MOXD1: variants seen among roughly 807,000 people sequenced by gnomAD.
MOXD1 encodes the protein monooxygenase DBH like 1.
MOXD1 carries 62 observed loss-of-function variants against 66.6 expected under a neutral mutation model. That is an observed-to-expected ratio of 0.93 (90% CI 0.76 to 1.15). MOXD1 has a LOEUF of 1.15. MOXD1 is among the 50% of genes most tolerant of loss of function. The pLI, the probability that MOXD1 is intolerant of heterozygous loss-of-function variation, is 0.00. For missense variants in MOXD1, 847 were observed against 754.6 expected (o/e 1.12, Z -1.44); for synonymous variants, 303 against 281.9 (o/e 1.07, Z -0.75).
intron 10 of MOXD1, among the ~76,000 whole-genome samples, chr6:132,313,063 G>C (rs1273083137): frequency 2.0e-5 from 2 of 100,018 alleles, no homozygotes; most frequent in Non-Finnish European, 3.4e-5. Context: ...GATTTTTGTT[G>C]TTTTAATTTG....
At chr6:132,387,581 C>A (rs575909785) in intron 1 of MOXD1, among the ~76,000 whole-genome samples, 1 of 150,288 alleles carries the variant, frequency 6.7e-6, no homozygotes, top group East Asian at 1.9e-4. Flanking sequence ...AGGTGAAACT[C>A]CATCTCTACT....
intron 4 of MOXD1, among the ~76,000 whole-genome samples, chr6:132,329,002 A>G (rs902704777): frequency 4.6e-5 from 7 of 152,018 alleles, no homozygotes; most frequent in Admixed American, 4.6e-4. Flanking sequence ...TCTAGGGTAC[A>G]TGTGCACAAC....
intron 1 of MOXD1, among the ~76,000 whole-genome samples, chr6:132,383,830 G>A (rs1776558526): frequency 6.6e-6 from 1 of 152,152 alleles, no homozygotes; most frequent in Admixed American, 6.5e-5. Context: ...AGCACTTTGG[G>A]AGGCCAAGGC....
chr6:132,332,581 C>T (rs1269044838), intron 4 of MOXD1, among the ~76,000 whole-genome samples: 1 of 152,094 alleles, frequency 6.6e-6, no homozygotes, highest in African/African-American at 2.4e-5. Flanking sequence ...TAAGGATGGA[C>T]ATAACTTGTT....
At chr6:132,340,467 A>G (rs1051577001) in intron 4 of MOXD1, among the ~76,000 whole-genome samples, 11 of 143,898 alleles carry the variant, frequency 7.6e-5, no homozygotes, top group Admixed American at 7.6e-4. Context: ...TTTTTTCTAA[A>G]TGGGAAATAG....
chr6:132,312,457 T>G (rs975161598), intron 10 of MOXD1, among the ~76,000 whole-genome samples: 3 of 152,172 alleles, frequency 2.0e-5, no homozygotes, highest in African/African-American at 7.2e-5. Context: ...AGTTTGGCCT[T>G]CACTATCACT....
rs1777016341 is a variant in MOXD1 at position 132,401,147 on chromosome 6, G to A, written c.264+16C>T. 6.7e-7 allele frequency: 1 copy of A among 1,490,528 alleles called. No homozygotes were observed. The highest frequency in any genetic ancestry group is 8.9e-7 in the Non-Finnish European group (1 of 1,124,710). The allele number at this position is 1,490,528 out of a possible 1,614,324, so 92.3% of individuals were successfully genotyped here. A position where few individuals can be genotyped will look rare whatever the true frequency, so the allele number is the denominator to read the frequency against. On this transcript the variant is annotated intron_variant, in intron 1 of 11. Coordinates refer to ENST00000367963, the MANE Select transcript of MOXD1 (RefSeq NM_015529.4). ...CCGGGCTCGGCCGGGCGGGCTCCGG[G>A]AGGAGACGCGCTTACCTGGAGGTAG...
At chr6:132,319,442 T>C (rs1582567770) in intron 9 of MOXD1, among the ~76,000 whole-genome samples, 1 of 152,196 alleles carries the variant, frequency 6.6e-6, no homozygotes, top group Middle Eastern at 3.4e-3. Context: ...TAAAGATTTA[T>C]AATTTTTTCA....
rs776170706 is a variant in MOXD1 at position 132,324,032 on chromosome 6, C to A, written c.1012G>T (p.Val338Leu). 14 of 1,613,794 alleles carry A rather than the reference C, an allele frequency of 8.7e-6. No homozygotes were observed. Among genetic ancestry groups the A allele is most frequent in the Non-Finnish European group, 1.1e-5 (13 of 1,179,890 alleles). The change falls in exon 7 of 12, where the codon GTG (valine) becomes TTG (leucine). Residue 338 changes from valine to leucine, a missense_variant. Physicochemically the swap from Val to Leu is conservative, Grantham distance 32. Coordinates refer to ENST00000367963, the MANE Select transcript of MOXD1 (RefSeq NM_015529.4). ...CTCACCCAGAGGCCAGCCTCAATCA[C>A]CCCAGCATCATATTTCCTTATATCC... ...TMDIRKYDAG[V>L]IEAGLWVSLF...
At chr6:132,320,944 G>GT (rs1191191726) in intron 8 of MOXD1, among the ~76,000 whole-genome samples, 2 of 152,136 alleles carry the variant, frequency 1.3e-5, no homozygotes, top group African/African-American at 4.8e-5. Flanking sequence ...GGCACAATTT[G>GT]TTCATTTAAA....
chr6:132,393,844 C>T (rs567062978), intron 1 of MOXD1, among the ~76,000 whole-genome samples: 4 of 152,216 alleles, frequency 2.6e-5, no homozygotes, highest in African/African-American at 9.6e-5. Context: ...CCTTGCCACC[C>T]CAACAAAAAG....
chr6:132,349,142 TC>T (rs1775731090), intron 4 of MOXD1, among the ~76,000 whole-genome samples: 3 of 148,802 alleles, frequency 2.0e-5, no homozygotes, highest in Non-Finnish European at 4.5e-5. Context: ...CCCCACCCTT[TC>T]CCCCAAGTCC....
intron 1 of MOXD1, among the ~76,000 whole-genome samples, chr6:132,385,279 G>A (rs1410058092): frequency 6.6e-6 from 1 of 152,022 alleles, no homozygotes; most frequent in Non-Finnish European, 1.5e-5. Context: ...TTAGGTCAAA[G>A]TAATGTACCA....
rs956785479 is a variant in MOXD1 at position 132,384,268 on chromosome 6, TCCTTCCTTCCTTCCTTC to T, written c.265-9508_265-9492del. ...TTCCTTCCTTCCTTCCTTCCTTCCT[TCCTTCCTTCCTTCCTTC>T]CTTCCTCCTTCCTTCCTCCCTCCCT... On this transcript the variant is annotated intron_variant, in intron 1 of 11. Coordinates refer to ENST00000367963, the MANE Select transcript of MOXD1 (RefSeq NM_015529.4). Among the ~76,000 whole-genome samples the T allele has an allele frequency of 1.5e-4, 17 of 116,368 alleles. No homozygotes were observed. The South Asian group carries it at 2.0e-3, about 14-fold the overall frequency. The allele number at this position is 116,368 out of a possible 152,430, so 76.3% of individuals were successfully genotyped here.
chr6:132,388,609 T>G (rs888372374), intron 1 of MOXD1, among the ~76,000 whole-genome samples: 19 of 151,364 alleles, frequency 1.3e-4, no homozygotes, highest in Non-Finnish European at 7.4e-5. Context: ...TCACTGCTTA[T>G]TAGTAACCTT....
chr6:132,376,203 CAT>C, intron 1 of MOXD1, among the ~76,000 whole-genome samples: 1 of 152,262 alleles, frequency 6.6e-6, no homozygotes, highest in East Asian at 1.9e-4. Context: ...CATGCTGAAA[CAT>C]AATTATAATT....
At position 132,324,013 on chromosome 6, in the gene MOXD1, C is replaced by A; in HGVS notation, c.1031G>T (p.Trp344Leu). The A allele has an allele frequency of 6.2e-7, 1 of 1,613,828 alleles. No homozygotes were observed. The highest frequency in any genetic ancestry group is 8.5e-7 in the Non-Finnish European group (1 of 1,179,812). The change falls in exon 7 of 12, where the codon TGG becomes TTG. Residue 344 changes from tryptophan (W) to leucine (L), a missense_variant. Coordinates refer to ENST00000367963, the MANE Select transcript of MOXD1 (RefSeq NM_015529.4). Reference protein sequence around the residue: ...YDAGVIEAGLWVSLFHTIPPG... With the variant: ...YDAGVIEAGLLVSLFHTIPPG... ...AGGGATGGTATGGAAGAGGCTCACC[C>A]AGAGGCCAGCCTCAATCACCCCAGC...
intron 4 of MOXD1, among the ~76,000 whole-genome samples, chr6:132,355,423 T>A (rs776561992): frequency 6.6e-6 from 1 of 152,106 alleles, no homozygotes; most frequent in Non-Finnish European, 1.5e-5. Flanking sequence ...CCTTCAGGGG[T>A]TGGAGTCTAT....
At chr6:132,384,419 A>G (rs1233962335) in intron 1 of MOXD1, among the ~76,000 whole-genome samples, 1 of 152,124 alleles carries the variant, frequency 6.6e-6, no homozygotes, top group Non-Finnish European at 1.5e-5. Flanking sequence ...AGGATACATG[A>G]CTATACTGGA....
Sources: gnomAD v4.1 joint callset for allele counts (sites outside exome capture counted in the v4.1 genomes callset) on GRCh38, gnomAD v4.1.1 for gene constraint, MANE v1.5 for transcripts, NCBI Gene and HGNC (gene_info 2026-07-23, HGNC 2026-07-21) for gene names.